The following COA1 variants were observed in gnomAD, a reference collection of about 807,000 sequenced individuals.
The protein encoded by COA1 is cytochrome c oxidase assembly factor 1, also known as cytochrome c oxidase assembly factor 1 homolog.
In COA1, 13 loss-of-function variants were observed where a neutral mutation model predicts 16.0. The observed-to-expected ratio is 0.81, with a 90% CI of 0.53 to 1.29. COA1 has a LOEUF of 1.29. Among genes scored for constraint, COA1 ranks in the 50% most tolerant of loss-of-function variants. COA1 has a pLI of 0.00. For synonymous variants in COA1, 65 were observed against 65.7 expected (o/e 0.99, Z 0.05); for missense variants, 179 against 177.0 (o/e 1.01, Z -0.06).
intron 2 of COA1, chr7:43,648,182 C>T (rs2089962615): frequency 4.3e-6 from 1 of 232,062 alleles, no homozygotes; most frequent in Non-Finnish European, 8.6e-6. Context: ...AGCATACCAT[C>T]CATCCACTCT....
intron 1 of COA1, among the ~76,000 whole-genome samples, chr7:43,723,173 C>T (rs2095545003): frequency 6.6e-6 from 1 of 152,188 alleles, no homozygotes; most frequent in Non-Finnish European, 1.5e-5. Context: ...GCCCTTAAGC[C>T]ATCCTGTTCC....
At chr7:43,710,929 T>C (rs1384777122) in intron 1 of COA1, among the ~76,000 whole-genome samples, 1 of 151,900 alleles carries the variant, frequency 6.6e-6, no homozygotes, top group Non-Finnish European at 1.5e-5. Context: ...TCATTGTCAT[T>C]AAATGTAGCA....
intron 1 of COA1, among the ~76,000 whole-genome samples, chr7:43,689,626 G>T (rs2094186165): frequency 2.0e-5 from 3 of 152,122 alleles, no homozygotes; most frequent in Non-Finnish European, 4.4e-5. Context: ...GTGGATAAAT[G>T]TTAAAAGGCA....
chr7:43,647,150 A>C (rs959746168), intron 3 of COA1: 3 of 240,534 alleles, frequency 1.2e-5, no homozygotes, highest in Non-Finnish European at 2.4e-5. Flanking sequence ...AAGTGCAAAA[A>C]AAGTCTGACA....
chr7:43,634,957 C>G (rs1221119848), downstream of COA1, among the ~76,000 whole-genome samples: 1 of 152,124 alleles, frequency 6.6e-6, no homozygotes, highest in Admixed American at 6.5e-5. Context: ...GCCATTTGGT[C>G]TTCTCATCTT....
At chr7:43,710,250 G>A (rs1320697497) in intron 1 of COA1, among the ~76,000 whole-genome samples, 1 of 149,670 alleles carries the variant, frequency 6.7e-6, no homozygotes, top group Non-Finnish European at 1.5e-5. Flanking sequence ...TTGGGAGGCT[G>A]AGGCAGGAGA....
intron 6 of COA1, chr7:43,626,626 A>G (rs2084571907): frequency 6.6e-6 from 1 of 152,176 alleles, no homozygotes; most frequent in African/African-American, 2.4e-5. Context: ...TTAGGCAAAT[A>G]TTTATCTCTC....
chr7:43,677,661 T>A lies in COA1; in HGVS notation c.-38-29009A>T, dbSNP rs2093593309. On this transcript the variant is annotated intron_variant, in intron 1 of 5. Coordinates refer to ENST00000223336, the MANE Select transcript of COA1 (RefSeq NM_018224.4). ...TAAAAATACAAAAATTAGCTGGGTGTGGTGGTGCATGCCTGTAATCTCAGC... is the reference window on the plus strand; with the variant it reads ...TAAAAATACAAAAATTAGCTGGGTGAGGTGGTGCATGCCTGTAATCTCAGC... Among the ~76,000 whole-genome samples the A allele has an allele frequency of 2.0e-5, 3 of 152,048 alleles. No homozygotes were observed. The South Asian group carries it at 6.2e-4, about 32-fold the overall frequency.
chr7:43,644,715 TAGATA>T (rs1295733942), intron 4 of COA1, among the ~76,000 whole-genome samples: 121 of 82,988 alleles, frequency 1.5e-3, no homozygotes, highest in African/African-American at 5.1e-3. Context: ...ATAGATTAGA[TAGATA>T]GATAGATAGA....
At chr7:43,646,148 T>A (rs1003551747) in intron 3 of COA1, 1 of 159,048 alleles carries the variant, frequency 6.3e-6, no homozygotes, top group African/African-American at 2.4e-5. Context: ...GAAGGTCCCA[T>A]CACACTAATG....
chr7:43,675,384 G>C (rs1439441680), intron 1 of COA1, among the ~76,000 whole-genome samples: 3 of 149,792 alleles, frequency 2.0e-5, no homozygotes, highest in African/African-American at 7.4e-5. Flanking sequence ...TGAACAATGA[G>C]AACACATGGA....
chr7:43,687,863 C>T (rs948970964), intron 1 of COA1, among the ~76,000 whole-genome samples: 5 of 151,988 alleles, frequency 3.3e-5, no homozygotes, highest in African/African-American at 1.2e-4. Flanking sequence ...TGGCTGTGTC[C>T]CCACCCAAAT....
chr7:43,633,209 C>T (rs1413799818), intron 6 of COA1: 1 of 152,220 alleles, frequency 6.6e-6, no homozygotes, highest in East Asian at 1.9e-4. Context: ...TTCTGTGTAA[C>T]TTCTACAGCT....
At chr7:43,645,556 C>G in intron 3 of COA1, 157 bp from the exon 4 acceptor site, 1 of 651,626 alleles carries the variant, frequency 1.5e-6, no homozygotes, top group Non-Finnish European at 2.6e-6. Context: ...CTAAATTGTC[C>G]ATTTTACAGA....
At chr7:43,661,552 G>A (rs1485450269) in intron 1 of COA1, among the ~76,000 whole-genome samples, 4 of 151,878 alleles carry the variant, frequency 2.6e-5, no homozygotes, top group Admixed American at 6.6e-5. Context: ...GGAGAATGGC[G>A]TGAACCCGGG....
chr7:43,663,610 A>G (rs1233075890), intron 1 of COA1, among the ~76,000 whole-genome samples: 1 of 145,078 alleles, frequency 6.9e-6, no homozygotes, highest in East Asian at 2.1e-4. Flanking sequence ...TTGAGACTAC[A>G]GTGAACCATG....
chr7:43,626,165 A>G (rs1475907369), intron 6 of COA1: 6 of 152,224 alleles, frequency 3.9e-5, no homozygotes, highest in Non-Finnish European at 7.3e-5. Flanking sequence ...GCTCTGCACT[A>G]TGAACAACTC....
intron 1 of COA1, among the ~76,000 whole-genome samples, chr7:43,661,620 G>C (rs1391060083): frequency 1.4e-5 from 2 of 144,478 alleles, no homozygotes; most frequent in East Asian, 2.0e-4. Flanking sequence ...CTGGGCGATA[G>C]AGCGAGACTC....
intron 4 of COA1, among the ~76,000 whole-genome samples, chr7:43,642,336 G>T (rs993214029): frequency 1.3e-5 from 2 of 152,174 alleles, no homozygotes; most frequent in African/African-American, 4.8e-5. Context: ...TATAGTCCCA[G>T]CTACTCAGGA....
Sources: allele counts gnomAD v4.1 joint callset (sites outside exome capture counted in the v4.1 genomes callset), GRCh38; gene constraint gnomAD v4.1.1; transcripts MANE v1.5; gene names NCBI Gene and HGNC (gene_info 2026-07-23, HGNC 2026-07-21).